MGAM2: variants seen among roughly 807,000 people sequenced by gnomAD.
MGAM2 encodes the protein maltase-glucoamylase 2 (putative), also known as probable maltase-glucoamylase 2.
A neutral mutation model predicts 96.1 loss-of-function variants in MGAM2; 98 were observed. The ratio of observed to expected loss-of-function variants is 1.02; its 90% confidence interval spans 0.87 to 1.21. The LOEUF (loss-of-function observed/expected upper bound fraction) is 1.21. MGAM2 is among the 50% of genes most tolerant of loss of function. MGAM2 has a pLI of 0.00. For missense variants in MGAM2, 2,055 were observed against 1,182.4 expected (o/e 1.74, Z -10.82); for synonymous variants, 749 against 414.8 (o/e 1.81, Z -9.79).
chr7:142,133,802 T>C (rs1585150125), intron 6 of MGAM2, among the ~76,000 whole-genome samples, 179 bp from the exon 7 acceptor site: 1 of 152,178 alleles, frequency 6.6e-6, no homozygotes, highest in East Asian at 1.9e-4. Flanking sequence ...GCCCTAATGC[T>C]GTCTTCCTCT....
Position 142,201,360 on chromosome 7 carries a change from G to A in MGAM2, c.5137+1392G>A, listed in dbSNP as rs114574430. On this transcript the variant is annotated intron_variant, in intron 45 of 47. Coordinates refer to ENST00000477922, the MANE Select transcript of MGAM2 (RefSeq NM_001293626.2). ...GCTGAGATTACAGGTATGAGCCACC[G>A]TTCCCAGCCCATATATAACATCCTT... Among the ~76,000 whole-genome samples the A allele has an allele frequency of 2.3e-3, 349 of 152,004 alleles. 2 individuals carry two copies. Among genetic ancestry groups the A allele is most frequent in the African/African-American group, 7.8e-3 (322 of 41,438 alleles).
chr7:142,178,714 T>A (rs1455263798), intron 32 of MGAM2, among the ~76,000 whole-genome samples: 1 of 152,152 alleles, frequency 6.6e-6, no homozygotes, highest in African/African-American at 2.4e-5. Context: ...TATCTGTAGT[T>A]TTGTTCTTCT....
At chr7:142,122,224 T>A (rs1431198958) in intron 3 of MGAM2, among the ~76,000 whole-genome samples, 1 of 152,226 alleles carries the variant, frequency 6.6e-6, no homozygotes, top group East Asian at 1.9e-4. Context: ...TCTATCTGAT[T>A]TCTATGGATT....
At chr7:142,200,894 C>T (rs947293772) in intron 45 of MGAM2, among the ~76,000 whole-genome samples, 1 of 151,816 alleles carries the variant, frequency 6.6e-6, no homozygotes, top group South Asian at 2.1e-4. Flanking sequence ...TGGCTGAAAA[C>T]ATTTTGCATA....
chr7:142,199,362 T>A (rs1215842286), intron 44 of MGAM2, among the ~76,000 whole-genome samples: 1 of 152,164 alleles, frequency 6.6e-6, no homozygotes, highest in Non-Finnish European at 1.5e-5. Context: ...TCTTTTAGAT[T>A]TGAATGTACA....
rs878898906 is a variant in MGAM2 at position 142,219,940 on chromosome 7, G to T, written c.5429G>T (p.Gly1810Val). Residue 1810 changes from glycine to valine, a missense_variant, in exon 48 of 48, where the codon GGT (glycine) becomes GTT (valine). Coordinates refer to ENST00000477922, the MANE Select transcript of MGAM2 (RefSeq NM_001293626.2). ...EKLTEVTWIDGGPVLPTPTKT... is the reference protein window; with the variant it reads ...EKLTEVTWIDVGPVLPTPTKT... ...TTAACTGAGGTTACTTGGATTGATGGTGGTCCTGTACTTCCTACTCCAACT... is the reference window on the plus strand; with the variant it reads ...TTAACTGAGGTTACTTGGATTGATGTTGGTCCTGTACTTCCTACTCCAACT... 11 of 702,648 alleles carry T rather than the reference G, an allele frequency of 1.6e-5. No homozygotes were observed. In the Admixed American group the frequency reaches 2.2e-4, roughly 14 times the overall value. 43.5% of individuals were successfully genotyped at this position (702,648 alleles called of 1,614,324 possible).
At position 142,221,176 on chromosome 7, in the gene MGAM2, C is replaced by A; in HGVS notation, c.6665C>A (p.Ser2222Tyr). 1 of 702,548 alleles carries A rather than the reference C, an allele frequency of 1.4e-6. No homozygotes were observed. The highest frequency in any genetic ancestry group is 2.6e-6 in the Non-Finnish European group (1 of 384,750). 43.5% of individuals were successfully genotyped at this position (702,548 alleles called of 1,614,324 possible). The change falls in exon 48 of 48, where the codon TCT becomes TAT. Residue 2222 changes from serine (S) to tyrosine (Y), a missense_variant. By Grantham distance (144) the Ser-to-Tyr change is moderately radical. Transcript: ENST00000477922. ...ACTACTGTTATTATGGCAACTACTT[C>A]TCCTACAAGTACTGATGTTGCTAGC... ...MNTTVIMATT[S>Y]PTSTDVASTN...
At chr7:142,192,268 G>A (rs773180064) in intron 37 of MGAM2, among the ~76,000 whole-genome samples, 89 of 152,158 alleles carry the variant, frequency 5.8e-4, no homozygotes, top group Admixed American at 5.9e-4. Context: ...TCTTTCAGTT[G>A]CTCTTTCACA....
In MGAM2 at chr7:142,148,898, C is replaced by T. The variant is rs759390983; in HGVS notation, c.1634+1325C>T. On this transcript the variant is annotated intron_variant, in intron 15 of 47. Transcript: ENST00000477922. This position sits in a 1 kb window ranked among gnomAD's most constrained non-coding sequence, Gnocchi z 4.2. ...TCTCCTTGGTACTCAAGGCCATAAC[C>T]ACTCCTTTAAACTTAGCTCCTTCAG... 3.9e-5 allele frequency among the ~76,000 whole-genome samples: 6 copies of T among 152,062 alleles called. No individual in the cohort carries two copies. Among genetic ancestry groups the T allele is most frequent in the Admixed American group, 6.6e-5 (1 of 15,258 alleles).
At chr7:142,172,257 T>A (rs146410241) in intron 29 of MGAM2, 63 bp downstream of exon 29, 2 of 647,526 alleles carry the variant, frequency 3.1e-6, no homozygotes, top group Non-Finnish European at 5.6e-6. Context: ...TATTTTGACC[T>A]GGTATCAATA....
intron 37 of MGAM2, among the ~76,000 whole-genome samples, chr7:142,191,182 T>G (rs1413626062): frequency 1.3e-5 from 2 of 152,180 alleles, no homozygotes; most frequent in Admixed American, 1.3e-4. Context: ...TATTCTAAAT[T>G]CAAGCTTCTC....
chr7:142,167,497 T>C lies in MGAM2; in HGVS notation c.3027+11T>C, dbSNP rs117028313. ...ATGCTGCAGGTCAAGGTAAGGCCCA[T>C]GTTGCAGATTCTGGTTCTCAAGATG... On this transcript the variant is annotated intron_variant, in intron 26 of 47. Coordinates refer to ENST00000477922, the MANE Select transcript of MGAM2 (RefSeq NM_001293626.2). The C allele has an allele frequency of 7.8e-3, 5,503 of 702,990 alleles. 67 individuals are homozygous for C. The highest frequency in any genetic ancestry group is 0.028 in the East Asian group (1,030 of 37,282). The allele number at this position is 702,990 out of a possible 1,614,324, so 43.5% of individuals were successfully genotyped here.
chr7:142,208,294 C>T, intron 45 of MGAM2: 2 of 562,160 alleles, frequency 3.6e-6, no homozygotes, highest in South Asian at 1.5e-5. Context: ...AAACAGTAGT[C>T]TCCACACTTC....
intron 12 of MGAM2, among the ~76,000 whole-genome samples, chr7:142,142,129 T>C (rs1795248534): frequency 6.7e-6 from 1 of 149,666 alleles, no homozygotes; most frequent in African/African-American, 2.5e-5. Context: ...TTAATTCCTT[T>C]CATTGACTCT....
intron 43 of MGAM2, among the ~76,000 whole-genome samples, 198 bp downstream of exon 43, chr7:142,198,393 C>T (rs1797117185): frequency 6.6e-6 from 1 of 152,176 alleles, no homozygotes. Flanking sequence ...AAGCTCCCCC[C>T]TCACCCTTGC....
At chr7:142,194,696 ATGTGTG>A (rs72262078) in intron 37 of MGAM2, among the ~76,000 whole-genome samples, 85 of 138,444 alleles carry the variant, frequency 6.1e-4, no homozygotes, top group Middle Eastern at 7.5e-3. Context: ...ACATGTGTGT[ATGTGTG>A]TGTGTGTGTG....
chr7:142,132,693 A>G (rs1488283519), intron 6 of MGAM2, among the ~76,000 whole-genome samples: 1 of 126,336 alleles, frequency 7.9e-6, no homozygotes, highest in Admixed American at 8.5e-5. Flanking sequence ...TATAATTAAT[A>G]ATATTAATTA....
At chr7:142,150,755 C>A (rs1002152860) in intron 15 of MGAM2, among the ~76,000 whole-genome samples, 5 of 152,118 alleles carry the variant, frequency 3.3e-5, no homozygotes, top group African/African-American at 9.7e-5. Flanking sequence ...ATTATTTGTG[C>A]CTTGCTATTT....
In MGAM2 at chr7:142,221,431, T is replaced by G; in HGVS notation, c.6920T>G (p.Ile2307Ser). Residue 2307 changes from isoleucine to serine, a missense_variant, in exon 48 of 48, where the codon ATT becomes AGT. Ile to Ser is a moderately radical substitution (Grantham distance 142, BLOSUM62 -2). Transcript: ENST00000477922. ...ATTCCTACCCATACTCTTACTTCTA[T>G]TCCTAGCTCTATTACTTCTATTTTG... ...PTIPTHTLTS[I>S]PSSITSILSM... 1.7e-6 allele frequency: 1 copy of G among 589,478 alleles called. No homozygotes were observed. The highest frequency in any genetic ancestry group is 3.0e-6 in the Non-Finnish European group (1 of 332,354). The allele number at this position is 589,478 out of a possible 1,614,324, so 36.5% of individuals were successfully genotyped here.
Sources: allele counts gnomAD v4.1 joint callset (sites outside exome capture counted in the v4.1 genomes callset), GRCh38; gene constraint gnomAD v4.1.1; non-coding constraint Gnocchi (gnomAD v3.1); transcripts MANE v1.5; gene names NCBI Gene and HGNC (gene_info 2026-07-23, HGNC 2026-07-21).